The following TFG variants were observed in gnomAD, a reference collection of about 807,000 sequenced individuals.
TFG encodes the protein protein TFG.
A neutral mutation model predicts 51.4 loss-of-function variants in TFG; 22 were observed. The ratio of observed to expected loss-of-function variants is 0.43; its 90% CI spans 0.31 to 0.61. The LOEUF (loss-of-function observed/expected upper bound fraction) is 0.61. Among genes scored for constraint, TFG ranks in the 20% least tolerant of loss-of-function variants. TFG has a pLI of 0.12. For missense variants in TFG, 419 were observed against 487.7 expected (o/e 0.86, Z 1.33); for synonymous variants, 187 against 165.6 (o/e 1.13, Z -0.99).
chr3:100,745,658 A>G, intron 7 of TFG, among the ~76,000 whole-genome samples: 1 of 152,236 alleles, frequency 6.6e-6, no homozygotes, highest in Non-Finnish European at 1.5e-5. Flanking sequence ...AGATTGAAGT[A>G]TCAGAATTTC....
intron 2 of TFG, among the ~76,000 whole-genome samples, chr3:100,718,558 T>G (rs972450726): frequency 3.5e-5 from 5 of 141,646 alleles, no homozygotes; most frequent in African/African-American, 1.3e-4. Flanking sequence ...GGTTTTTTTT[T>G]TTTTTTTTTT....
At chr3:100,733,730 A>C (rs77524401) in intron 5 of TFG, among the ~76,000 whole-genome samples, 4,525 of 152,216 alleles carry the variant, frequency 0.03, 183 homozygotes, top group African/African-American at 0.092. Context: ...TTGGACTTAT[A>C]TTCTTTTGAG....
intron 2 of TFG, 97 bp downstream of exon 2, chr3:100,713,966 TC>T (rs979804147): frequency 1.4e-6 from 1 of 727,940 alleles, no homozygotes; most frequent in African/African-American, 1.8e-5. Context: ...AGTGGTGTGA[TC>T]ATAGCTCAGT....
chr3:100,720,186 C>T, intron 3 of TFG, 128 bp downstream of exon 3: 2 of 559,700 alleles, frequency 3.6e-6, no homozygotes, highest in Non-Finnish European at 6.2e-6. Flanking sequence ...TATTTGTGTT[C>T]AGGTAGTTGT....
At chr3:100,745,871 C>T (rs1473084855) in intron 7 of TFG, among the ~76,000 whole-genome samples, 6 of 152,094 alleles carry the variant, frequency 3.9e-5, no homozygotes, top group African/African-American at 1.2e-4. Flanking sequence ...ACTAGAATGG[C>T]AGAGTTGAGT....
At chr3:100,739,610 T>G (rs890610440) in intron 6 of TFG, among the ~76,000 whole-genome samples, 4 of 152,120 alleles carry the variant, frequency 2.6e-5, no homozygotes, top group Non-Finnish European at 5.9e-5. Context: ...AAAAGCTGAG[T>G]AGCCTTTATT....
rs1052564906 is a variant in TFG at position 100,740,850 on chromosome 3, C to T, written c.722-3983C>T. Among the ~76,000 whole-genome samples the T allele has an allele frequency of 2.1e-4, 32 of 152,170 alleles. 1 individual carries two copies. The highest frequency in any genetic ancestry group is 1.5e-5 in the Non-Finnish European group (1 of 67,986). ...TTTTGAAAATATACATAAAACATAG[C>T]TTATATATAGTCATGCACTGTATAA... On this transcript the variant is annotated intron_variant, in intron 6 of 7. Transcript: ENST00000240851.
chr3:100,746,522 C>T (rs2149098515), intron 7 of TFG, among the ~76,000 whole-genome samples: 1 of 152,044 alleles, frequency 6.6e-6, no homozygotes, highest in East Asian at 1.9e-4. Context: ...AAAAAAAACT[C>T]ACATAATTTC....
rs139169678 is a variant in TFG at position 100,713,902 on chromosome 3, C to CTT, written c.184+37_184+38dup. ...TGTTTTTAAAGCTATTTTTTAAAGT[C>CTT]TTTTTAAAAAAAAAAAAAAAAAGAC... On this transcript the variant is annotated intron_variant, in intron 2 of 7. Transcript: ENST00000240851. 1.0e-4 allele frequency: 89 copies of CTT among 850,106 alleles called. No individual in the cohort carries two copies. In the South Asian group the frequency reaches 2.6e-3, roughly 25 times the overall value. The allele number at this position is 850,106 out of a possible 1,614,324, so 52.7% of individuals were successfully genotyped here.
At chr3:100,739,774 CTTA>C (rs1306632204) in intron 6 of TFG, among the ~76,000 whole-genome samples, 1 of 152,112 alleles carries the variant, frequency 6.6e-6, no homozygotes, top group Non-Finnish European at 1.5e-5. Flanking sequence ...TTATGAACAG[CTTA>C]TTATACTCAG....
chr3:100,742,297 G>A (rs1406577022), intron 6 of TFG, among the ~76,000 whole-genome samples: 2 of 152,050 alleles, frequency 1.3e-5, no homozygotes, highest in Non-Finnish European at 2.9e-5. Context: ...TCTACCATAG[G>A]CTAATTGATA....
In TFG at chr3:100,736,610, A is replaced by G. The variant is rs765636091; in HGVS notation, c.615A>G (p.Gly205=). The change falls in exon 6 of 8, where the codon GGA becomes GGG. Residue 205 remains glycine, a synonymous_variant. Transcript: ENST00000240851. ...PPSAPAEDRS[G]TPDSIASSSS... ...GTGCTCCTGCAGAAGATCGTTCAGG[A>G]ACACCCGACAGCATTGCTTCCTCCT... is the stretch of plus-strand genomic sequence containing the variant. 4 of 1,613,902 alleles carry G rather than the reference A, an allele frequency of 2.5e-6. No homozygotes were observed. The highest frequency in any genetic ancestry group is 2.5e-6 in the Non-Finnish European group (3 of 1,179,954).
At position 100,748,457 on chromosome 3, in the gene TFG, G is replaced by A; in HGVS notation, c.1129G>A (p.Gly377Arg). 6.2e-7 allele frequency: 1 copy of A among 1,614,040 alleles called. No homozygotes were observed. ...AAGTACCATGACCCCTCCTCCAAGT[G>A]GGCCTAATCCTTATGCGCGTAACCG... Reference protein sequence around the residue: ...PGSTMTPPPSGPNPYARNRPP... With the variant: ...PGSTMTPPPSRPNPYARNRPP... The change falls in exon 8 of 8, where the codon GGG becomes AGG. Residue 377 changes from glycine to arginine, a missense_variant. Coordinates refer to ENST00000240851, the MANE Select transcript of TFG (RefSeq NM_006070.6).
chr3:100,716,810 T>G lies in TFG; in HGVS notation c.184+2941T>G, dbSNP rs556501312. 4.6e-5 allele frequency among the ~76,000 whole-genome samples: 7 copies of G among 152,326 alleles called. 1 individual carries two copies. The South Asian group carries it at 1.0e-3, about 23-fold the overall frequency. On this transcript the variant is annotated intron_variant, in intron 2 of 7. Transcript: ENST00000240851. ...TGATGATTTGTGATTTTGAGCATTT[T>G]TTCATATATTTATTGACCATTTCTA...
chr3:100,729,266 C>T (rs1559714313), intron 4 of TFG, among the ~76,000 whole-genome samples: 1 of 152,070 alleles, frequency 6.6e-6, no homozygotes, highest in African/African-American at 2.4e-5. Context: ...TGAATAATTA[C>T]ATAGTGTTGG....
intron 2 of TFG, 23 bp downstream of exon 2, chr3:100,713,892 T>C (rs1030606466): frequency 1.8e-5 from 25 of 1,384,678 alleles, no homozygotes; most frequent in Non-Finnish European, 2.3e-5. Flanking sequence ...TTAAAGCTAT[T>C]TTTTAAAGTC....
In TFG at chr3:100,713,923, A is replaced by AG. The variant is rs1262032424; in HGVS notation, c.184+54_184+55insG. 3.6e-3 allele frequency: 4,244 copies of AG among 1,192,764 alleles called. 8 individuals carry two copies. The highest frequency in any genetic ancestry group is 3.9e-3 in the Non-Finnish European group (3,484 of 882,584). 73.9% of individuals were successfully genotyped at this position (1,192,764 alleles called of 1,614,324 possible). A position where few individuals can be genotyped will look rare whatever the true frequency, so the allele number is the denominator to read the frequency against. On this transcript the variant is annotated intron_variant, in intron 2 of 7. Coordinates refer to ENST00000240851, the MANE Select transcript of TFG (RefSeq NM_006070.6). ...AAGTCTTTTTAAAAAAAAAAAAAAA[A>AG]AGACAGAGCCTCTGTTGCCCAGGCT...
chr3:100,715,579 G>T (rs2149060688), intron 2 of TFG, among the ~76,000 whole-genome samples: 1 of 152,330 alleles, frequency 6.6e-6, no homozygotes, highest in South Asian at 2.1e-4. Context: ...GTGATGTGTA[G>T]TCTAAGAATA....
chr3:100,743,660 CT>C (rs745554610), intron 6 of TFG: 2 of 152,040 alleles, frequency 1.3e-5, no homozygotes, highest in South Asian at 2.1e-4. Flanking sequence ...GTTGTATCTC[CT>C]TTAGTGCTAC....
Sources: gnomAD v4.1 joint callset for allele counts (sites outside exome capture counted in the v4.1 genomes callset) on GRCh38, gnomAD v4.1.1 for gene constraint, MANE v1.5 for transcripts, NCBI Gene and HGNC (gene_info 2026-07-23, HGNC 2026-07-21) for gene names.